GALNT17: variants seen among roughly 807,000 people sequenced by gnomAD.
The protein encoded by GALNT17 is polypeptide N-acetylgalactosaminyltransferase 17, also known as UDP-GalNAc:polypeptide N-acetylgalactosaminyltransferase-like 3.
A neutral mutation model predicts 63.7 loss-of-function variants in GALNT17; 29 were observed. That is an observed-to-expected ratio of 0.46 (90% CI 0.34 to 0.62). The LOEUF (loss-of-function observed/expected upper bound fraction) is 0.62, where lower values mean the gene tolerates loss of function less well. Among genes scored for constraint, GALNT17 ranks in the 20% least tolerant of loss-of-function variants. The pLI, the probability that GALNT17 is intolerant of heterozygous loss-of-function variation, is 0.01. For synonymous variants in GALNT17, 305 were observed against 318.3 expected (o/e 0.96, Z 0.45); for missense variants, 603 against 799.6 (o/e 0.75, Z 2.97).
intron 6 of GALNT17, among the ~76,000 whole-genome samples, chr7:71,607,132 G>A (rs1409094262): frequency 2.0e-5 from 3 of 151,976 alleles, no homozygotes; most frequent in South Asian, 2.1e-4. Context: ...TGGTCATATC[G>A]CTGCACTCCA....
intron 3 of GALNT17, among the ~76,000 whole-genome samples, chr7:71,406,418 G>C (rs1197165349): frequency 6.6e-6 from 1 of 151,994 alleles, no homozygotes; most frequent in African/African-American, 2.4e-5. Context: ...ACAAAAGTAA[G>C]CTTTTAAAAT....
At chr7:71,678,377 G>A (rs904490587) in intron 9 of GALNT17, among the ~76,000 whole-genome samples, 9 of 151,074 alleles carry the variant, frequency 6.0e-5, no homozygotes, top group Non-Finnish European at 1.2e-4. Context: ...CCACCACCTC[G>A]GCCTCCCAAA....
intron 1 of GALNT17, among the ~76,000 whole-genome samples, chr7:71,218,949 G>T (rs1345759718): frequency 6.6e-6 from 1 of 152,136 alleles, no homozygotes; most frequent in Non-Finnish European, 1.5e-5. Context: ...TAAATGTAAT[G>T]CTCTTGAATC....
intron 1 of GALNT17, among the ~76,000 whole-genome samples, chr7:71,237,511 GAAAAAAAAAAA>G (rs369921098): frequency 1.3e-5 from 1 of 78,124 alleles, no homozygotes; most frequent in East Asian, 4.5e-4. Context: ...TCCCATCTCT[GAAAAAAAAAAA>G]AAAAAAAAAA....
intron 5 of GALNT17, among the ~76,000 whole-genome samples, chr7:71,531,692 C>T (rs757940723): frequency 6.6e-6 from 1 of 152,244 alleles, no homozygotes; most frequent in Middle Eastern, 3.4e-3. Flanking sequence ...CAGGCTCAAG[C>T]GATCTTCCCA....
intron 5 of GALNT17, among the ~76,000 whole-genome samples, chr7:71,552,801 A>AC: frequency 6.6e-6 from 1 of 152,220 alleles, no homozygotes; most frequent in African/African-American, 2.4e-5. Context: ...AGGGTGGTTT[A>AC]CCAGGTTGCC....
chr7:71,287,935 C>T (rs1790904617), intron 1 of GALNT17, among the ~76,000 whole-genome samples: 1 of 151,720 alleles, frequency 6.6e-6, no homozygotes, highest in Admixed American at 6.6e-5. Context: ...ACCTGTAGTC[C>T]CAGCTACTTG....
intron 3 of GALNT17, among the ~76,000 whole-genome samples, chr7:71,393,276 G>A (rs1206395817): frequency 1.3e-5 from 2 of 151,964 alleles, no homozygotes; most frequent in Non-Finnish European, 2.9e-5. Context: ...GTTCCTGCTT[G>A]CTAGTTCACA....
At position 71,582,174 on chromosome 7, in the gene GALNT17, G is replaced by A. The variant is rs113362731; in HGVS notation, c.1080+10772G>A. ...CTGTTATCTACCCAGAGGAAAAGAA[G>A]TCATTTTACAAAAAAGATACTTGCA... On this transcript the variant is annotated intron_variant, in intron 6 of 10. Transcript: ENST00000333538. Among the ~76,000 whole-genome samples, 1,505 of 152,212 alleles carry A rather than the reference G, an allele frequency of 9.9e-3. 36 individuals carry two copies. Among genetic ancestry groups the A allele is most frequent in the African/African-American group, 0.035 (1,435 of 41,520 alleles).
Position 71,642,379 on chromosome 7 carries a change from A to G in GALNT17, c.1081-23032A>G, listed in dbSNP as rs189158245. Among the ~76,000 whole-genome samples the G allele has an allele frequency of 1.5e-4, 23 of 152,336 alleles. No homozygotes were observed. In the East Asian group the frequency reaches 3.9e-3, roughly 26 times the overall value. Reference sequence around the variant, plus strand: ...ACTTAACCAGTGTTTTAAGTGTTTCAATGGGCAAGGACAATAGTTTTCTGA... The same window carrying G: ...ACTTAACCAGTGTTTTAAGTGTTTCGATGGGCAAGGACAATAGTTTTCTGA... On this transcript the variant is annotated intron_variant, in intron 6 of 10. Coordinates refer to ENST00000333538, the MANE Select transcript of GALNT17 (RefSeq NM_022479.3).
intron 3 of GALNT17, among the ~76,000 whole-genome samples, chr7:71,390,760 A>G (rs1360198529): frequency 6.6e-6 from 1 of 152,054 alleles, no homozygotes; most frequent in African/African-American, 2.4e-5. Context: ...CCTGTTTCCC[A>G]GCTGTCTCCA....
intron 1 of GALNT17, among the ~76,000 whole-genome samples, chr7:71,318,578 C>A (rs1405898589): frequency 6.6e-6 from 1 of 151,938 alleles, no homozygotes; most frequent in Non-Finnish European, 1.5e-5. Context: ...CACCACCACG[C>A]CCAGCTAAGT....
chr7:71,702,945 G>A (rs1791672857), intron 9 of GALNT17, among the ~76,000 whole-genome samples: 1 of 152,158 alleles, frequency 6.6e-6, no homozygotes, highest in Non-Finnish European at 1.5e-5. Flanking sequence ...GTTCAGTTGG[G>A]TCATCTAAAT....
At chr7:71,608,894 T>TCAGCCTCCCAAGTA (rs1296872316) in intron 6 of GALNT17, among the ~76,000 whole-genome samples, 2 of 151,882 alleles carry the variant, frequency 1.3e-5, no homozygotes, top group African/African-American at 4.8e-5. Context: ...TCCTCCCACC[T>TCAGCCTCCCAAGTA]CAGCCTCCCA....
At chr7:71,449,563 T>C (rs1301883231) in intron 5 of GALNT17, among the ~76,000 whole-genome samples, 1 of 152,174 alleles carries the variant, frequency 6.6e-6, no homozygotes, top group Non-Finnish European at 1.5e-5. Context: ...TGAAATACCT[T>C]GAATGTTTCA....
At chr7:71,572,297 T>TGACA (rs1789456676) in intron 6 of GALNT17, among the ~76,000 whole-genome samples, 1 of 146,614 alleles carries the variant, frequency 6.8e-6, no homozygotes, top group East Asian at 2.0e-4. Flanking sequence ...AGCCCAGGAG[T>TGACA]TCAAAACCAG....
rs188654897 is a variant in GALNT17, at chr7:71,659,952, G to A, written c.1081-5459G>A. Among the ~76,000 whole-genome samples the A allele has an allele frequency of 9.2e-5, 14 of 152,234 alleles. 1 individual carries two copies. The highest frequency in any genetic ancestry group is 7.7e-4 in the East Asian group (4 of 5,168). The stretch of plus-strand genomic sequence containing the variant: ...CACTGGCCACATCCTCGTGTTACAC[G>A]CTAGATTTTTAGCCCTGTGTTGTTT... On this transcript the variant is annotated intron_variant, in intron 6 of 10. Transcript: ENST00000333538.
At chr7:71,514,389 G>T (rs1562671399) in intron 5 of GALNT17, among the ~76,000 whole-genome samples, 1 of 152,038 alleles carries the variant, frequency 6.6e-6, no homozygotes, top group Non-Finnish European at 1.5e-5. Flanking sequence ...GAACCCTATT[G>T]AGCTCATAAA....
rs191941183 is a variant in GALNT17, at chr7:71,482,427, G to A, written c.962+61322G>A. 2.9e-4 allele frequency among the ~76,000 whole-genome samples: 44 copies of A among 152,278 alleles called. 5 individuals carry two copies. In the East Asian group the frequency reaches 2.9e-3, roughly 10 times the overall value. ...GGCCTCACAAAGTACTGGGATTACA[G>A]GTGTGAGCCACTGCACCTGCCGACA... On this transcript the variant is annotated intron_variant, in intron 5 of 10. Transcript: ENST00000333538.
Sources: gnomAD v4.1 joint callset for allele counts (sites outside exome capture counted in the v4.1 genomes callset) on GRCh38, gnomAD v4.1.1 for gene constraint, MANE v1.5 for transcripts, NCBI Gene and HGNC (gene_info 2026-07-23, HGNC 2026-07-21) for gene names.